Variants in CDS1 observed in about 807,000 individuals in gnomAD.
The protein encoded by CDS1 is CDP-diacylglycerol synthase 1.
A neutral mutation model predicts 62.1 loss-of-function variants in CDS1; 41 were observed. That is an observed-to-expected ratio of 0.66 (90% CI 0.51 to 0.86). The LOEUF (loss-of-function observed/expected upper bound fraction) is 0.86. Ranked by LOEUF, CDS1 falls within the 40% of genes least tolerant of loss-of-function variation. The pLI is 0.00. For synonymous variants in CDS1, 185 were observed against 192.6 expected (o/e 0.96, Z 0.32); for missense variants, 470 against 550.1 (o/e 0.85, Z 1.46).
rs907160303 is a variant in CDS1 at position 84,650,250 on chromosome 4, C to T, written c.*1564C>T. The T allele has an allele frequency of 1.3e-5, 2 of 152,084 alleles. No homozygotes were observed. The highest frequency in any genetic ancestry group is 4.8e-5 in the African/African-American group (2 of 41,406). 9.4% of individuals were successfully genotyped at this position (152,084 alleles called of 1,614,324 possible). ...GATTAGACATAGGTGCACTCGGTAC[C>T]AAGAGTCCATTTTATGGTCCAGCAT... On this transcript the variant is annotated 3_prime_UTR_variant, in exon 13 of 13. Transcript: ENST00000295887.
At chr4:84,610,618 T>G (rs979031645) in intron 3 of CDS1, among the ~76,000 whole-genome samples, 4 of 152,182 alleles carry the variant, frequency 2.6e-5, no homozygotes, top group Admixed American at 2.6e-4. Context: ...ATCTGCACTT[T>G]AAAGAGCTGA....
At chr4:84,586,908 T>C (rs774060127) in intron 1 of CDS1, among the ~76,000 whole-genome samples, 3 of 152,136 alleles carry the variant, frequency 2.0e-5, no homozygotes, top group Non-Finnish European at 4.4e-5. Context: ...AGGGGAGATA[T>C]ATATTTGTAT....
At chr4:84,648,456 C>T (rs1724617367) in intron 12 of CDS1, 101 bp from the exon 13 acceptor site, 4 of 1,083,162 alleles carry the variant, frequency 3.7e-6, no homozygotes, top group African/African-American at 1.6e-5. Flanking sequence ...AAGATTCCTA[C>T]TCTACACTTA....
In CDS1 at chr4:84,649,944, GCTA is replaced by G. The variant is rs1270016137; in HGVS notation, c.*1261_*1263del. On this transcript the variant is annotated 3_prime_UTR_variant, in exon 13 of 13. Coordinates refer to ENST00000295887, the MANE Select transcript of CDS1 (RefSeq NM_001263.4). Reference sequence around the variant, plus strand: ...ATTTCTTATCCGTGGACGTATGTAAGCTACTGCTGCTGTGTGCTCTCCACAGCC... The same window carrying G: ...ATTTCTTATCCGTGGACGTATGTAAGCTGCTGCTGTGTGCTCTCCACAGCC... 1.3e-5 allele frequency: 2 copies of G among 152,156 alleles called. No homozygotes were observed. The highest frequency in any genetic ancestry group is 1.9e-4 in the East Asian group (1 of 5,194). 9.4% of individuals were successfully genotyped at this position (152,156 alleles called of 1,614,324 possible).
chr4:84,609,326 A>G (rs1423571170), intron 2 of CDS1, 103 bp from the exon 3 acceptor site: 4 of 710,500 alleles, frequency 5.6e-6, no homozygotes, highest in Non-Finnish European at 9.9e-6. Context: ...AAGTAGTAGA[A>G]TCTTATAGTT....
chr4:84,651,044 C>G lies in CDS1; in HGVS notation c.*2358C>G, dbSNP rs1724717026. 6.6e-6 allele frequency: 1 copy of G among 152,148 alleles called. No homozygotes were observed. Among genetic ancestry groups the G allele is most frequent in the Non-Finnish European group, 1.5e-5 (1 of 68,036 alleles). The allele number at this position is 152,148 out of a possible 1,614,324, so 9.4% of individuals were successfully genotyped here. ...CTCTACTGGTACTTCCTGCTTGACT[C>G]TCTGACCTGTGGGATGCACATTCTT... is the stretch of plus-strand genomic sequence containing the variant. On this transcript the variant is annotated 3_prime_UTR_variant, in exon 13 of 13. Coordinates refer to ENST00000295887, the MANE Select transcript of CDS1 (RefSeq NM_001263.4).
intron 1 of CDS1, among the ~76,000 whole-genome samples, chr4:84,603,281 A>G (rs925255830): frequency 5.3e-5 from 8 of 152,050 alleles, no homozygotes; most frequent in Non-Finnish European, 1.0e-4. Context: ...TCAATGCTCT[A>G]TTTGTATTTG....
At chr4:84,642,916 TG>T in intron 10 of CDS1, 107 bp from the exon 11 acceptor site, 1 of 1,053,428 alleles carries the variant, frequency 9.5e-7, no homozygotes, top group Non-Finnish European at 1.4e-6. Flanking sequence ...AAAAATGTGG[TG>T]CGTGCTTTGA....
At chr4:84,598,397 TTTTTTC>T (rs1722822667) in intron 1 of CDS1, among the ~76,000 whole-genome samples, 1 of 151,218 alleles carries the variant, frequency 6.6e-6, no homozygotes, top group African/African-American at 2.4e-5. Context: ...CTAACTCACT[TTTTTTC>T]TTTTTCTTTT....
At chr4:84,621,032 C>G (rs1248302118) in intron 5 of CDS1, among the ~76,000 whole-genome samples, 1 of 152,208 alleles carries the variant, frequency 6.6e-6, no homozygotes. Flanking sequence ...TGCACTCCAG[C>G]CTGGGCAACA....
chr4:84,645,231 A>G lies in CDS1; in HGVS notation c.1162A>G (p.Asn388Asp). The G allele has an allele frequency of 6.2e-7, 1 of 1,608,634 alleles. No homozygotes were observed. Residue 388 changes from asparagine to aspartate, a missense_variant, in exon 12 of 13, where the codon AAT becomes GAT. By Grantham distance (23) the Asn-to-Asp change is conservative. Coordinates refer to ENST00000295887, the MANE Select transcript of CDS1 (RefSeq NM_001263.4). ...TTGTTTGTTTCTAAAGGATTTTGCAAATACCATTCCTGGACATGGTGGGAT... is the reference window on the plus strand; with the variant it reads ...TTGTTTGTTTCTAAAGGATTTTGCAGATACCATTCCTGGACATGGTGGGAT... Reference protein sequence around the residue: ...KRAFKIKDFANTIPGHGGIMD... With the variant: ...KRAFKIKDFADTIPGHGGIMD...
intron 1 of CDS1, among the ~76,000 whole-genome samples, chr4:84,601,013 GC>G (rs1349083694): frequency 2.6e-5 from 4 of 151,538 alleles, no homozygotes; most frequent in Non-Finnish European, 5.9e-5. Context: ...TATGAAAAAT[GC>G]CAAAAAAAAT....
intron 8 of CDS1, among the ~76,000 whole-genome samples, chr4:84,637,242 G>A (rs1228853408): frequency 6.6e-6 from 1 of 152,226 alleles, no homozygotes; most frequent in African/African-American, 2.4e-5. Context: ...CATGATTTAC[G>A]TATTCAAGAG....
Position 84,609,506 on chromosome 4 carries a change from C to A in CDS1, c.323C>A (p.Ser108Tyr). The part of the protein sequence containing the change: ...SLFFLIIYMG[S>Y]FMLMLLVLGI... ...TTTTTCCTGATCATCTATATGGGAT[C>A]CTTCATGCTGATGCTTCTTGTAAGT... Residue 108 changes from serine (S) to tyrosine (Y), a missense_variant, in exon 3 of 13, where the codon TCC becomes TAC. Around this residue, in one of 5 missense-constraint regions of CDS1, gnomAD observed 150 missense variants for 142.0 expected, o/e 1.06. Transcript: ENST00000295887. The A allele has an allele frequency of 6.2e-7, 1 of 1,600,324 alleles. No homozygotes were observed. Among genetic ancestry groups the A allele is most frequent in the Non-Finnish European group, 8.6e-7 (1 of 1,168,226 alleles).
intron 5 of CDS1, among the ~76,000 whole-genome samples, chr4:84,624,202 T>A (rs4568237): frequency 0.55 from 80,308 of 146,986 alleles, 22,153 homozygotes; most frequent in South Asian, 0.71. Flanking sequence ...TGAACCTGGG[T>A]GGCGGAACTT....
At chr4:84,635,620 TGCCTGCCTTCCTTCC>T (rs1172015327) in intron 8 of CDS1, among the ~76,000 whole-genome samples, 315 of 106,242 alleles carry the variant, frequency 3.0e-3, no homozygotes, top group South Asian at 6.0e-3. Context: ...CCTGCCTGCC[TGCCTGCCTTCCTTCC>T]TTCCTTCCTT....
At chr4:84,639,098 T>A in intron 9 of CDS1, 106 bp downstream of exon 9, 1 of 416,408 alleles carries the variant, frequency 2.4e-6, no homozygotes, top group South Asian at 6.5e-5. Flanking sequence ...ATGCTAATAA[T>A]ATATTTATTG....
intron 5 of CDS1, among the ~76,000 whole-genome samples, chr4:84,625,255 C>G (rs78586889): frequency 6.6e-6 from 1 of 152,162 alleles, no homozygotes; most frequent in Non-Finnish European, 1.5e-5. Context: ...CAGAAACTTA[C>G]TGAAAGTCAT....
At chr4:84,602,179 C>T (rs571785745) in intron 1 of CDS1, among the ~76,000 whole-genome samples, 2 of 152,258 alleles carry the variant, frequency 1.3e-5, no homozygotes, top group South Asian at 4.1e-4. Flanking sequence ...CTCCAAAATG[C>T]CACTATTTAG....
Sources: gnomAD v4.1 joint callset for allele counts (sites outside exome capture counted in the v4.1 genomes callset) on GRCh38, gnomAD v4.1.1 for gene constraint, gnomAD v4.1.1 regional missense constraint, MANE v1.5 for transcripts, NCBI Gene and HGNC (gene_info 2026-07-23, HGNC 2026-07-21) for gene names.